MAP1B: variants seen among roughly 807,000 people sequenced by gnomAD.
The protein encoded by MAP1B is microtubule-associated protein 1B.
Under a neutral mutation model 176.1 loss-of-function variants are expected in MAP1B, and 12 were observed. The observed-to-expected ratio is 0.07, with a 90% CI of 0.04 to 0.11. The LOEUF is 0.11. Ranked by LOEUF, MAP1B falls within the 10% of genes least tolerant of loss-of-function variation. The pLI, the probability that MAP1B is intolerant of heterozygous loss-of-function variation, is 1.00. For missense variants in MAP1B, 2,523 were observed against 2,990.5 expected (o/e 0.84, Z 3.65); for synonymous variants, 1,044 against 1,135.0 (o/e 0.92, Z 1.61).
rs372802132 is a variant in MAP1B at position 72,107,597 on chromosome 5, G to A, written c.66G>A (p.Ala22=). Reference sequence around the variant, plus strand: ...CCGGCAGCATCGCCAACCCGGCGGCGTCCACCTCGCCTAGCCTGTCGCACC... The same window carrying A: ...CCGGCAGCATCGCCAACCCGGCGGCATCCACCTCGCCTAGCCTGTCGCACC... ...EPSGSIANPA[A]STSPSLSHRF... Residue 22 remains alanine (A), a synonymous_variant, in exon 1 of 7, where the codon GCG becomes GCA. Coordinates refer to ENST00000296755, the MANE Select transcript of MAP1B (RefSeq NM_005909.5). 1,626 of 1,594,928 alleles carry A rather than the reference G, an allele frequency of 1.0e-3. 3 individuals carry two copies. Among genetic ancestry groups the A allele is most frequent in the Non-Finnish European group, 1.3e-3 (1,541 of 1,177,010 alleles).
chr5:72,138,827 C>A (rs1027026485), intron 2 of MAP1B, among the ~76,000 whole-genome samples: 1 of 152,208 alleles, frequency 6.6e-6, no homozygotes, highest in Admixed American at 6.5e-5. Flanking sequence ...CACCCAATTT[C>A]AATGACACCC....
Position 72,197,283 on chromosome 5 carries a change from T to G in MAP1B, c.3928T>G (p.Cys1310Gly), listed in dbSNP as rs1361305457. ...GACCCAAGAAGTAGTTGAAGAACAT[T>G]GTGCTAGTCCTGAGGACAAGACTCT... ...EVTQEVVEEH[C>G]ASPEDKTLEV... Residue 1310 changes from cysteine (C) to glycine (G), a missense_variant, in exon 5 of 7, where the codon TGT becomes GGT. Around this residue, in one of 4 missense-constraint regions of MAP1B, gnomAD observed 1,925 missense variants for 2,126.0 expected, o/e 0.91. Coordinates refer to ENST00000296755, the MANE Select transcript of MAP1B (RefSeq NM_005909.5). 1 of 1,614,088 alleles carries G rather than the reference T, an allele frequency of 6.2e-7. No individual in the cohort carries two copies. Among genetic ancestry groups the G allele is most frequent in the Non-Finnish European group, 8.5e-7 (1 of 1,180,048 alleles).
At chr5:72,128,855 G>A (rs1269024952) in intron 2 of MAP1B, among the ~76,000 whole-genome samples, 1 of 152,090 alleles carries the variant, frequency 6.6e-6, no homozygotes, top group African/African-American at 2.4e-5. Context: ...GCCTTGCTAA[G>A]TTGCCCAGGC....
chr5:72,180,188 T>G (rs971799394), intron 2 of MAP1B, among the ~76,000 whole-genome samples: 1 of 152,184 alleles, frequency 6.6e-6, no homozygotes, highest in Non-Finnish European at 1.5e-5. Context: ...CCATCACTTG[T>G]GGAGGGAGCC....
chr5:72,184,655 A>G (rs779105315), intron 3 of MAP1B, among the ~76,000 whole-genome samples: 35 of 152,206 alleles, frequency 2.3e-4, no homozygotes, highest in Non-Finnish European at 4.6e-4. Flanking sequence ...AGGAGTTGCT[A>G]TCACTCCACT....
At chr5:72,146,026 T>C (rs760262099) in intron 2 of MAP1B, among the ~76,000 whole-genome samples, 2 of 152,166 alleles carry the variant, frequency 1.3e-5, no homozygotes, top group Non-Finnish European at 2.9e-5. Context: ...TGGGAGTGAT[T>C]TTGGAAAGCT....
chr5:72,201,716 C>T lies in MAP1B; in HGVS notation c.7012+1349C>T, dbSNP rs139389335. ...ATTAGGGAAAATCTGATAGAGTAAT[C>T]TTTGGAGCTCTCCAATTAAGTACAC... On this transcript the variant is annotated intron_variant, in intron 5 of 6. Coordinates refer to ENST00000296755, the MANE Select transcript of MAP1B (RefSeq NM_005909.5). Among the ~76,000 whole-genome samples, 16 of 152,350 alleles carry T rather than the reference C, an allele frequency of 1.1e-4. 1 individual carries two copies. In the East Asian group the frequency reaches 3.1e-3, roughly 29 times the overall value.
rs571264995 is a variant in MAP1B at position 72,177,622 on chromosome 5, A to G, written c.287-6121A>G. Among the ~76,000 whole-genome samples the G allele has an allele frequency of 9.2e-5, 14 of 152,244 alleles. No individual in the cohort carries two copies. The East Asian group carries it at 2.5e-3, about 27-fold the overall frequency. The stretch of plus-strand genomic sequence containing the variant: ...ACCAGCTCCCATTCTCTTCAAATCA[A>G]CCACACATTTGCTTTACCTGCCATG... On this transcript the variant is annotated intron_variant, in intron 2 of 6. Coordinates refer to ENST00000296755, the MANE Select transcript of MAP1B (RefSeq NM_005909.5).
rs147775563 is a variant in MAP1B, at chr5:72,188,336, A to G, written c.510+1582A>G. ...TAGCATCTTGCCTCAGGGAAGAGAG[A>G]AAGCTGCAGAAGGCTGGAAGTGGCC... On this transcript the variant is annotated intron_variant, in intron 4 of 6. Transcript: ENST00000296755. 3.5e-4 allele frequency among the ~76,000 whole-genome samples: 54 copies of G among 152,314 alleles called. No homozygotes were observed. The East Asian group carries it at 5.4e-3, about 15-fold the overall frequency.
chr5:72,168,559 A>T (rs951325121), intron 2 of MAP1B, among the ~76,000 whole-genome samples: 5 of 152,260 alleles, frequency 3.3e-5, no homozygotes, highest in African/African-American at 1.2e-4. Flanking sequence ...GATTTTATGC[A>T]TGCTGCCTTT....
chr5:72,110,893 G>A (rs1171507447), intron 1 of MAP1B, among the ~76,000 whole-genome samples: 1 of 152,156 alleles, frequency 6.6e-6, no homozygotes, highest in Non-Finnish European at 1.5e-5. Flanking sequence ...TGGATGCTTC[G>A]TAAATGCCTC....
chr5:72,116,168 G>A, intron 2 of MAP1B: 1 of 316,320 alleles, frequency 3.2e-6, no homozygotes, highest in Non-Finnish European at 6.1e-6. Flanking sequence ...TGTACTCTGA[G>A]CTCAAGGGAC....
chr5:72,197,929 C>T lies in MAP1B; in HGVS notation c.4574C>T (p.Thr1525Ile), dbSNP rs1256218681. The change falls in exon 5 of 7, where the codon ACT becomes ATT. Residue 1525 changes from threonine to isoleucine, a missense_variant. Physicochemically the swap from Thr to Ile is moderately conservative, Grantham distance 89. This residue lies in a region of MAP1B where 1,925 missense variants were observed against 2,126.0 expected (regional missense o/e 0.91). Coordinates refer to ENST00000296755, the MANE Select transcript of MAP1B (RefSeq NM_005909.5). ...ACTAAGATGTCCATTTCTGAAGGTA[C>T]TGTCTCAGACAAGTCAGCTACTCCT... ...EDTKMSISEG[T>I]VSDKSATPVD... 6.2e-7 allele frequency: 1 copy of T among 1,614,214 alleles called. No homozygotes were observed. The highest frequency in any genetic ancestry group is 2.2e-5 in the East Asian group (1 of 44,878).
intron 2 of MAP1B, among the ~76,000 whole-genome samples, chr5:72,180,558 G>C (rs1200525698): frequency 6.6e-6 from 1 of 152,154 alleles, no homozygotes; most frequent in African/African-American, 2.4e-5. Flanking sequence ...AAGCCGAAAA[G>C]CAATGTCCAA....
intron 5 of MAP1B, among the ~76,000 whole-genome samples, chr5:72,202,137 G>GT (rs1747346255): frequency 6.6e-6 from 1 of 152,198 alleles, no homozygotes; most frequent in Non-Finnish European, 1.5e-5. Context: ...AAAAGGCAAA[G>GT]TTGCAGTACT....
intron 1 of MAP1B, among the ~76,000 whole-genome samples, chr5:72,110,929 C>CAAGA (rs1745322679): frequency 3.9e-5 from 6 of 152,124 alleles, no homozygotes; most frequent in Admixed American, 3.9e-4. Flanking sequence ...AGAGATGGTC[C>CAAGA]CTCTTGCTTT....
At chr5:72,137,435 C>T (rs1745857842) in intron 2 of MAP1B, among the ~76,000 whole-genome samples, 1 of 152,184 alleles carries the variant, frequency 6.6e-6, no homozygotes, top group African/African-American at 2.4e-5. Context: ...ACATAAAAAG[C>T]TTATGATCTT....
chr5:72,174,288 G>A (rs1746606691), intron 2 of MAP1B, among the ~76,000 whole-genome samples: 1 of 152,118 alleles, frequency 6.6e-6, no homozygotes, highest in South Asian at 2.1e-4. Context: ...ATTGACCTTT[G>A]TGATATGCAA....
At chr5:72,124,741 A>T (rs1195752253) in intron 2 of MAP1B, among the ~76,000 whole-genome samples, 2 of 152,240 alleles carry the variant, frequency 1.3e-5, no homozygotes, top group Non-Finnish European at 2.9e-5. Flanking sequence ...AGCTGTGAGT[A>T]AACACGCCAC....
Sources: gnomAD v4.1 joint callset for allele counts (sites outside exome capture counted in the v4.1 genomes callset) on GRCh38, gnomAD v4.1.1 for gene constraint, gnomAD v4.1.1 regional missense constraint, MANE v1.5 for transcripts, NCBI Gene and HGNC (gene_info 2026-07-23, HGNC 2026-07-21) for gene names.